Variants in BCL6B observed in about 807,000 individuals in gnomAD.
The protein encoded by BCL6B is B-cell CLL/lymphoma 6 member B protein.
Under a neutral mutation model 44.6 loss-of-function variants are expected in BCL6B, and 28 were observed. The observed-to-expected ratio is 0.63, with a 90% CI of 0.47 to 0.86. BCL6B has a LOEUF of 0.86. Among genes scored for constraint, BCL6B ranks in the 40% least tolerant of loss-of-function variants. BCL6B has a pLI of 0.00. For synonymous variants in BCL6B, 268 were observed against 263.6 expected (o/e 1.02, Z -0.16); for missense variants, 626 against 652.3 (o/e 0.96, Z 0.44).
Position 7,025,095 on chromosome 17 carries a change from ACTGT to A in BCL6B, c.785_788del (p.Thr262SerfsTer109). ...GCCTAGGCTCTCTCCAACTGCTGCC[ACTGT>A]GCAGTTCAAATGTGGGGCTCCAGCC... On this transcript the variant is annotated frameshift_variant, in exon 5 of 9. Coordinates refer to ENST00000293805, the MANE Select transcript of BCL6B (RefSeq NM_181844.4). LOFTEE classifies it high-confidence loss of function. 6.2e-7 allele frequency: 1 copy of A among 1,613,736 alleles called. No individual in the cohort carries two copies. Among genetic ancestry groups the A allele is most frequent in the Non-Finnish European group, 8.5e-7 (1 of 1,179,936 alleles).
In BCL6B at chr17:7,027,552, A is replaced by G. The variant is rs1252312566; in HGVS notation, c.1373A>G (p.His458Arg). ...CGGCACAAGAGTCAACTGCGGCTGC[A>G]TCTGCGCCAGAAACACGGAGCTGCT... is the stretch of plus-strand genomic sequence containing the variant. ...HFRHKSQLRL[H>R]LRQKHGAATN... Residue 458 changes from histidine (H) to arginine (R), a missense_variant, in exon 9 of 9, where the codon CAT becomes CGT. Transcript: ENST00000293805. 2 of 1,613,588 alleles carry G rather than the reference A, an allele frequency of 1.2e-6. No individual in the cohort carries two copies. Among genetic ancestry groups the G allele is most frequent in the Non-Finnish European group, 1.7e-6 (2 of 1,179,974 alleles).
intron 2 of BCL6B, 114 bp from the exon 3 acceptor site, chr17:7,023,969 G>GGGGC (rs2151662678): frequency 6.6e-7 from 1 of 1,525,962 alleles, no homozygotes; most frequent in East Asian, 2.3e-5. Flanking sequence ...CCCAGAATTG[G>GGGGC]GGGCGGGGTG....
Position 7,025,201 on chromosome 17 carries a change from G to A in BCL6B, c.889+1G>A. ...TCTGAACGGGCTCGTCCACTACCGG[G>A]TAAGAGCCCCTCTTTCTTGGCTTTT... On this transcript the variant is annotated splice_donor_variant, in intron 5 of 8. Coordinates refer to ENST00000293805, the MANE Select transcript of BCL6B (RefSeq NM_181844.4). LOFTEE classifies it high-confidence loss of function. The A allele has an allele frequency of 1.9e-6, 3 of 1,613,668 alleles. No individual in the cohort carries two copies. Among genetic ancestry groups the A allele is most frequent in the Non-Finnish European group, 2.5e-6 (3 of 1,179,838 alleles).
chr17:7,026,789 G>A lies in BCL6B; in HGVS notation c.1139G>A (p.Gly380Glu), dbSNP rs1363751498. The A allele has an allele frequency of 1.9e-6, 3 of 1,614,030 alleles. No individual in the cohort carries two copies. The highest frequency in any genetic ancestry group is 2.5e-6 in the Non-Finnish European group (3 of 1,180,056). The change falls in exon 7 of 9, where the codon GGA (glycine) becomes GAA (glutamate). Residue 380 changes from glycine (G) to glutamate (E), a missense_variant. Physicochemically the swap from Gly to Glu is moderately conservative, Grantham distance 98 (BLOSUM62 -2). Coordinates refer to ENST00000293805, the MANE Select transcript of BCL6B (RefSeq NM_181844.4). The part of the protein sequence containing the change: ...NLKTHSRIHS[G>E]EKPYKCETCG... ...AAAACGCACAGCCGCATCCATTCGG[G>A]AGAGAAGCCGTATAAGTGTGAGACG...
rs1283529640 is a variant in BCL6B at position 7,027,440 on chromosome 17, C to T, written c.1324-63C>T. The stretch of plus-strand genomic sequence containing the variant: ...CACCTGGGAGAGCTGGACGGCCGCC[C>T]GGCTCAACACCTAAAAGGTGATTGT... On this transcript the variant is annotated intron_variant, in intron 8 of 8. Transcript: ENST00000293805. 7 of 1,587,720 alleles carry T rather than the reference C, an allele frequency of 4.4e-6. No individual in the cohort carries two copies. The East Asian group carries it at 9.0e-5, about 20-fold the overall frequency.
In BCL6B at chr17:7,024,546, A is replaced by T. The variant is rs967717041; in HGVS notation, c.547A>T (p.Ser183Cys). ...TCGAAGCTGCAGTCAAGGCCCCCCC[A>T]GTCCAGCCAGCCCTGACCCCAAGGC... ...ESRSCSQGPP[S>C]PASPDPKACN... The change falls in exon 4 of 9, where the codon AGT becomes TGT. Residue 183 changes from serine to cysteine, a missense_variant. By Grantham distance (112) the Ser-to-Cys change is moderately radical. Transcript: ENST00000293805. This position sits in a 1 kb window ranked among gnomAD's most constrained non-coding sequence, Gnocchi z 6.6. 6.2e-7 allele frequency: 1 copy of T among 1,612,710 alleles called. No homozygotes were observed.
Position 7,026,538 on chromosome 17 carries a change from A to T in BCL6B, c.971A>T (p.Glu324Val). 1 of 1,614,214 alleles carries T rather than the reference A, an allele frequency of 6.2e-7. No homozygotes were observed. The highest frequency in any genetic ancestry group is 8.5e-7 in the Non-Finnish European group (1 of 1,180,036). The change falls in exon 6 of 9, where the codon GAA becomes GTA. Residue 324 changes from glutamate to valine, a missense_variant. Coordinates refer to ENST00000293805, the MANE Select transcript of BCL6B (RefSeq NM_181844.4). ...CTGGACTCCTTGGTTCCTGGGGACG[A>T]AGACAAACCCTATAAGTGTCAGCTG... ...SGLDSLVPGD[E>V]DKPYKCQLCR...
Position 7,028,950 on chromosome 17 carries a change from G to C in BCL6B, c.*1331G>C. On this transcript the variant is annotated 3_prime_UTR_variant, in exon 9 of 9. Coordinates refer to ENST00000293805, the MANE Select transcript of BCL6B (RefSeq NM_181844.4). ...TTTTCCTCTAGAAGGGATGGTGCTT[G>C]GTAACCTTACCTTTTAAAAGCTGGG... The C allele has an allele frequency of 1.0e-6, 1 of 985,392 alleles. No individual in the cohort carries two copies. Among genetic ancestry groups the C allele is most frequent in the South Asian group, 4.7e-5 (1 of 21,280 alleles). 61.0% of individuals were successfully genotyped at this position (985,392 alleles called of 1,614,324 possible).
rs1031880959 is a variant in BCL6B, at chr17:7,026,938, C to T, written c.1186-12C>T. 2.5e-6 allele frequency: 4 copies of T among 1,611,922 alleles called. No homozygotes were observed. The highest frequency in any genetic ancestry group is 1.1e-5 in the South Asian group (1 of 91,072). ...CTCCCAGAGGCAGGACTTGAAGTCT[C>T]CTCCCTCCCAGGTGGCACATCTGCG... On this transcript the variant is annotated splice_polypyrimidine_tract_variant and intron_variant, in intron 7 of 8. Coordinates refer to ENST00000293805, the MANE Select transcript of BCL6B (RefSeq NM_181844.4).
intron 5 of BCL6B, among the ~76,000 whole-genome samples, 167 bp from the exon 6 acceptor site, chr17:7,026,290 C>T (rs539291864): frequency 9.8e-5 from 15 of 152,312 alleles, no homozygotes; most frequent in African/African-American, 2.9e-4. Flanking sequence ...AGATCTGGCT[C>T]ATCTTACTAT....
At chr17:7,023,325 C>A (rs1020229731) in intron 1 of BCL6B, among the ~76,000 whole-genome samples, 7 of 152,154 alleles carry the variant, frequency 4.6e-5, no homozygotes, top group African/African-American at 9.7e-5. Flanking sequence ...GGTTGGACAC[C>A]TGAGACACAG....
At chr17:7,027,209 G>A in intron 8 of BCL6B, 122 bp downstream of exon 8, 1 of 1,361,516 alleles carries the variant, frequency 7.3e-7, no homozygotes, top group Non-Finnish European at 9.9e-7. Context: ...GTGGCCGGAA[G>A]AGTCCAAGCA....
At chr17:7,023,288 A>C (rs1163161756) in intron 1 of BCL6B, 189 bp downstream of exon 1, 1 of 229,444 alleles carries the variant, frequency 4.4e-6, no homozygotes, top group Non-Finnish European at 8.6e-6. Flanking sequence ...AGGTGTGTGG[A>C]CGGCAGGCCG....
intron 5 of BCL6B, among the ~76,000 whole-genome samples, chr17:7,025,769 G>A (rs559074031): frequency 9.1e-5 from 13 of 143,112 alleles, no homozygotes; most frequent in African/African-American, 3.1e-4. Context: ...CCCGGGAGGT[G>A]GAGATTGCAG....
Position 7,027,689 on chromosome 17 carries a change from T to C in BCL6B, c.*70T>C, listed in dbSNP as rs940879855. 1.2e-5 allele frequency: 19 copies of C among 1,600,744 alleles called. No homozygotes were observed. Among genetic ancestry groups the C allele is most frequent in the Non-Finnish European group, 1.4e-5 (17 of 1,176,538 alleles). On this transcript the variant is annotated 3_prime_UTR_variant, in exon 9 of 9. Transcript: ENST00000293805. ...GCTGCAGGCCCAGGCCTTGCTTCCCTATCAGGCTTGGGCATAGGGGTGTGC... is the reference window on the plus strand; with the variant it reads ...GCTGCAGGCCCAGGCCTTGCTTCCCCATCAGGCTTGGGCATAGGGGTGTGC...
intron 5 of BCL6B, among the ~76,000 whole-genome samples, chr17:7,026,169 C>T (rs2151664012): frequency 6.6e-6 from 1 of 152,294 alleles, no homozygotes; most frequent in Admixed American, 6.5e-5. Context: ...ATCCGACCGC[C>T]TCGGCCTCCC....
At chr17:7,026,903 G>A in intron 7 of BCL6B, 47 bp from the exon 8 acceptor site, 2 of 1,610,900 alleles carry the variant, frequency 1.2e-6, no homozygotes, top group Non-Finnish European at 8.5e-7. Context: ...CAATAGGGAG[G>A]GTTCTGTTCC....
rs945353437 is a variant in BCL6B at position 7,029,583 on chromosome 17, G to C, written c.*1964G>C. ...TGGATGGGCAGGTGGAGAATGCCTG[G>C]GGGTAGAAATGTTAGATCTTGCAAC... is the stretch of plus-strand genomic sequence containing the variant. On this transcript the variant is annotated 3_prime_UTR_variant, in exon 9 of 9. Transcript: ENST00000293805. 11 of 1,152,184 alleles carry C rather than the reference G, an allele frequency of 9.5e-6. No homozygotes were observed. Among genetic ancestry groups the C allele is most frequent in the Non-Finnish European group, 1.2e-5 (11 of 921,980 alleles). The allele number at this position is 1,152,184 out of a possible 1,614,324, so 71.4% of individuals were successfully genotyped here.
Position 7,028,150 on chromosome 17 carries a change from C to G in BCL6B, c.*531C>G, listed in dbSNP as rs1910353057. ...ATATTATTTCTGTCATAACTTTTAT[C>G]TTTAGAATTGTTCTTTCTCCTGTTT... On this transcript the variant is annotated 3_prime_UTR_variant, in exon 9 of 9. Coordinates refer to ENST00000293805, the MANE Select transcript of BCL6B (RefSeq NM_181844.4). 1.0e-5 allele frequency: 10 copies of G among 986,322 alleles called. No homozygotes were observed. The highest frequency in any genetic ancestry group is 1.2e-5 in the Non-Finnish European group (10 of 830,620). The allele number at this position is 986,322 out of a possible 1,614,324, so 61.1% of individuals were successfully genotyped here.
Sources: gnomAD v4.1 joint callset for allele counts (sites outside exome capture counted in the v4.1 genomes callset) on GRCh38, gnomAD v4.1.1 for gene constraint, Gnocchi (gnomAD v3.1) non-coding constraint, MANE v1.5 for transcripts, NCBI Gene and HGNC (gene_info 2026-07-23, HGNC 2026-07-21) for gene names.